Variants in CDH4 observed in about 807,000 individuals in gnomAD.
CDH4 encodes the protein cadherin 4.
In CDH4, 33 loss-of-function variants were observed where a neutral mutation model predicts 86.0. That is an observed-to-expected ratio of 0.38 (90% confidence interval 0.29 to 0.51). The LOEUF is 0.51. CDH4 is among the 20% of genes least tolerant of loss of function. CDH4 has a pLI of 0.86. For synonymous variants in CDH4, 555 were observed against 549.4 expected (o/e 1.01, Z -0.14); for missense variants, 1,114 against 1,307.4 (o/e 0.85, Z 2.28).
At chr20:61,714,955 ATCT>A (rs1463509987) in intron 2 of CDH4, among the ~76,000 whole-genome samples, 5 of 152,272 alleles carry the variant, frequency 3.3e-5, no homozygotes, top group Admixed American at 6.5e-5. Context: ...CAAATGGTAA[ATCT>A]TCTTTTTAGT....
intron 2 of CDH4, among the ~76,000 whole-genome samples, chr20:61,285,204 C>T (rs1160584983): frequency 1.3e-5 from 2 of 152,218 alleles, no homozygotes; most frequent in Non-Finnish European, 2.9e-5. Context: ...GCGTTATTGG[C>T]ACCATTTGAC....
intron 2 of CDH4, among the ~76,000 whole-genome samples, chr20:61,618,586 A>G (rs949199500): frequency 2.6e-5 from 4 of 152,086 alleles, no homozygotes; most frequent in African/African-American, 9.7e-5. Flanking sequence ...CAGTCCCCCA[A>G]ATCAATGACT....
intron 2 of CDH4, among the ~76,000 whole-genome samples, chr20:61,283,803 A>T (rs2084278195): frequency 6.6e-6 from 1 of 152,228 alleles, no homozygotes; most frequent in African/African-American, 2.4e-5. Flanking sequence ...GTGGCCCTGG[A>T]TCCACACATC....
At position 61,811,413 on chromosome 20, in the gene CDH4, CT is replaced by C. The variant is rs1980429003; in HGVS notation, c.577-33251del. Reference sequence around the variant, plus strand: ...CCATTTGCCTGAAATCAAGATCACACTTTTGACAATCTGAAGCAAGGAAAAA... The same window carrying C: ...CCATTTGCCTGAAATCAAGATCACACTTTGACAATCTGAAGCAAGGAAAAA... On this transcript the variant is annotated intron_variant, in intron 4 of 15. Transcript: ENST00000614565. The surrounding 1 kb of genome is among the most constrained non-coding windows in gnomAD (Gnocchi z 4.4). Among the ~76,000 whole-genome samples the C allele has an allele frequency of 6.6e-6, 1 of 152,200 alleles. No individual in the cohort carries two copies. Among genetic ancestry groups the C allele is most frequent in the Admixed American group, 6.5e-5 (1 of 15,288 alleles).
At position 61,887,808 on chromosome 20, in the gene CDH4, C is replaced by T. The variant is rs536079310; in HGVS notation, c.1051-7102C>T. Among the ~76,000 whole-genome samples the T allele has an allele frequency of 5.3e-5, 8 of 152,346 alleles. No individual in the cohort carries two copies. The South Asian group carries it at 1.7e-3, about 32-fold the overall frequency. On this transcript the variant is annotated intron_variant, in intron 7 of 15. Transcript: ENST00000614565. ...CAGTCTCCTGTTTTCCAGTCTGGTCCTTCTGGCGGTGCCATGCTGCGGGAG... is the reference window on the plus strand; with the variant it reads ...CAGTCTCCTGTTTTCCAGTCTGGTCTTTCTGGCGGTGCCATGCTGCGGGAG...
intron 2 of CDH4, among the ~76,000 whole-genome samples, chr20:61,509,857 G>T (rs2085767114): frequency 6.6e-6 from 1 of 152,116 alleles, no homozygotes; most frequent in Admixed American, 6.5e-5. Context: ...GATGCTGGTG[G>T]CTGCAAGCTC....
At chr20:61,786,997 C>T (rs957143651) in intron 4 of CDH4, among the ~76,000 whole-genome samples, 1 of 152,242 alleles carries the variant, frequency 6.6e-6, no homozygotes, top group Non-Finnish European at 1.5e-5. Flanking sequence ...AAGAGATGTC[C>T]TTCATTCTTC....
At chr20:61,666,785 A>G (rs2087329972) in intron 2 of CDH4, among the ~76,000 whole-genome samples, 1 of 152,228 alleles carries the variant, frequency 6.6e-6, no homozygotes, top group South Asian at 2.1e-4. Flanking sequence ...TGCCGGCCAC[A>G]GTGGCAGGAA....
At chr20:61,768,748 C>T (rs1330382799) in intron 3 of CDH4, among the ~76,000 whole-genome samples, 6 of 152,136 alleles carry the variant, frequency 3.9e-5, no homozygotes, top group East Asian at 1.9e-4. Flanking sequence ...GGCAGAAGCC[C>T]GCACAGGTCT....
intron 2 of CDH4, among the ~76,000 whole-genome samples, chr20:61,383,085 A>G: frequency 8.5e-6 from 1 of 117,772 alleles, no homozygotes; most frequent in Non-Finnish European, 1.7e-5. Flanking sequence ...TAATATATAT[A>G]TGAATATATA....
intron 2 of CDH4, among the ~76,000 whole-genome samples, chr20:61,595,994 G>A (rs1394194764): frequency 6.6e-6 from 1 of 152,226 alleles, no homozygotes; most frequent in African/African-American, 2.4e-5. Flanking sequence ...ATTGCCCCTT[G>A]GGCAGCTGGA....
At chr20:61,354,224 T>C (rs2084733078) in intron 2 of CDH4, among the ~76,000 whole-genome samples, 1 of 152,112 alleles carries the variant, frequency 6.6e-6, no homozygotes, top group Non-Finnish European at 1.5e-5. Context: ...CGGGCCTGGC[T>C]GCTCTAAGGA....
chr20:61,482,879 T>G (rs1230967325), intron 2 of CDH4, among the ~76,000 whole-genome samples: 1 of 152,204 alleles, frequency 6.6e-6, no homozygotes, highest in Non-Finnish European at 1.5e-5. Flanking sequence ...ACGTCCGCCC[T>G]GTGTGGTACC....
At chr20:61,763,334 C>G (rs1012289480) in intron 3 of CDH4, among the ~76,000 whole-genome samples, 1 of 152,246 alleles carries the variant, frequency 6.6e-6, no homozygotes, top group Non-Finnish European at 1.5e-5. Context: ...AACCCAGGCC[C>G]TGTTCCCCTC....
intron 4 of CDH4, among the ~76,000 whole-genome samples, chr20:61,804,118 C>T (rs1024913289): frequency 1.3e-5 from 2 of 152,268 alleles, no homozygotes; most frequent in Admixed American, 6.5e-5. Flanking sequence ...AGCTGGGACC[C>T]GGAGCAGGTG....
At chr20:61,283,617 G>A (rs1177482395) in intron 2 of CDH4, among the ~76,000 whole-genome samples, 1 of 152,180 alleles carries the variant, frequency 6.6e-6, no homozygotes, top group Non-Finnish European at 1.5e-5. Flanking sequence ...GCATTTGCAC[G>A]TGTGTGCTGT....
intron 3 of CDH4, among the ~76,000 whole-genome samples, chr20:61,760,167 T>G (rs968715371): frequency 3.4e-5 from 5 of 147,932 alleles, no homozygotes; most frequent in African/African-American, 7.6e-5. Flanking sequence ...GGCTGAAGGG[T>G]AGGGGGAGGG....
intron 2 of CDH4, among the ~76,000 whole-genome samples, chr20:61,294,068 T>C: frequency 6.6e-6 from 1 of 152,044 alleles, no homozygotes; most frequent in East Asian, 1.9e-4. Context: ...GGGTGGAGCG[T>C]CCGCAAGGAT....
chr20:61,598,274 G>A (rs1038896852), intron 2 of CDH4, among the ~76,000 whole-genome samples: 7 of 151,346 alleles, frequency 4.6e-5, no homozygotes, highest in South Asian at 2.1e-4. Context: ...CCCACCCACC[G>A]GCCTGCCTGC....
Sources: gnomAD v4.1 joint callset for allele counts (sites outside exome capture counted in the v4.1 genomes callset) on GRCh38, gnomAD v4.1.1 for gene constraint, Gnocchi (gnomAD v3.1) non-coding constraint, MANE v1.5 for transcripts, NCBI Gene and HGNC (gene_info 2026-07-23, HGNC 2026-07-21) for gene names.